The following FPGT variants were observed in gnomAD, a reference collection of about 807,000 sequenced individuals.
The protein encoded by FPGT is GDP-L-fucose diphosphorylase.
In FPGT, 41 loss-of-function variants were observed where a neutral mutation model predicts 45.8. The observed-to-expected ratio is 0.90, with a 90% confidence interval of 0.70 to 1.16. The LOEUF (loss-of-function observed/expected upper bound fraction) is 1.16. Ranked by LOEUF, FPGT falls within the 50% of genes most tolerant of loss-of-function variation. The pLI is 0.00. For synonymous variants in FPGT, 292 were observed against 247.2 expected (o/e 1.18, Z -1.70); for missense variants, 755 against 689.1 (o/e 1.10, Z -1.07).
rs1652468651 is a variant in FPGT, at chr1:74,208,593, TTCAACATTTGATAATAA to T, written c.*2764_*2780del. ...ACTATCAACAAGGGCATGGGAAAAA[TTCAACATTTGATAATAA>T]TCTTTTACCTTAGGCATTTATTCTC... On this transcript the variant is annotated 3_prime_UTR_variant, in exon 4 of 4. Coordinates refer to ENST00000370898, the MANE Select transcript of FPGT (RefSeq NM_003838.5). 6.6e-6 allele frequency among the ~76,000 whole-genome samples: 1 copy of T among 152,058 alleles called. No homozygotes were observed. The highest frequency in any genetic ancestry group is 6.6e-5 in the Admixed American group (1 of 15,234).
chr1:74,198,607 A>G (rs937874933), intron 1 of FPGT, among the ~76,000 whole-genome samples: 1 of 152,214 alleles, frequency 6.6e-6, no homozygotes, highest in African/African-American at 2.4e-5. Flanking sequence ...AGGAAGAAGA[A>G]GAAAATCTTA....
rs766713115 is a variant in FPGT, at chr1:74,205,133, C to T, written c.1086C>T (p.Thr362=). 8.7e-6 allele frequency: 14 copies of T among 1,613,098 alleles called. No homozygotes were observed. Among genetic ancestry groups the T allele is most frequent in the East Asian group, 4.5e-5 (2 of 44,886 alleles). The change falls in exon 4 of 4, where the codon ACC becomes ACT. Residue 362 remains threonine (T), a synonymous_variant. Transcript: ENST00000370898. ...CCAAATTTTATCACATTGGAACAACCGAAGAATATTTGTTTTACTTTACCT... is the reference window on the plus strand; with the variant it reads ...CCAAATTTTATCACATTGGAACAACTGAAGAATATTTGTTTTACTTTACCT... The part of the protein sequence containing the change: ...NNSKFYHIGT[T]EEYLFYFTSD...
Position 74,204,960 on chromosome 1 carries a change from C to G in FPGT, c.913C>G (p.Leu305Val), listed in dbSNP as rs1051530533. The G allele has an allele frequency of 1.2e-6, 2 of 1,613,932 alleles. No individual in the cohort carries two copies. Among genetic ancestry groups the G allele is most frequent in the Admixed American group, 1.7e-5 (1 of 59,992 alleles). Residue 305 changes from leucine (L) to valine (V), a missense_variant, in exon 4 of 4, where the codon CTG becomes GTG. Physicochemically the swap from Leu to Val is conservative, Grantham distance 32. Coordinates refer to ENST00000370898, the MANE Select transcript of FPGT (RefSeq NM_003838.5). ...TGAAATAGATGCCTATGGTGACTTTCTGCAGGCTTTGGGACCTGGAGCAAC... is the reference window on the plus strand; with the variant it reads ...TGAAATAGATGCCTATGGTGACTTTGTGCAGGCTTTGGGACCTGGAGCAAC... ...SCEIDAYGDF[L>V]QALGPGATVE... is the part of the protein sequence containing the mutation.
rs1403388328 is a variant in FPGT at position 74,207,747 on chromosome 1, G to GT, written c.*1921dup. ...CCTCAATTGTGGTATTTGTGTGTTTGTTTTTTCTTTTTCAAGATTCTTTTT... is the reference window on the plus strand; with the variant it reads ...CCTCAATTGTGGTATTTGTGTGTTTGTTTTTTTCTTTTTCAAGATTCTTTTT... On this transcript the variant is annotated 3_prime_UTR_variant, in exon 4 of 4. Transcript: ENST00000370898. 1.3e-5 allele frequency among the ~76,000 whole-genome samples: 2 copies of GT among 151,880 alleles called. No individual in the cohort carries two copies. Among genetic ancestry groups the GT allele is most frequent in the Non-Finnish European group, 2.9e-5 (2 of 67,886 alleles).
chr1:74,199,026 TTATC>T (rs1292402063), intron 1 of FPGT, among the ~76,000 whole-genome samples: 1 of 152,188 alleles, frequency 6.6e-6, no homozygotes, highest in Non-Finnish European at 1.5e-5. Context: ...ATCATTTTGT[TTATC>T]AATAAAGAGA....
rs1652107765 is a variant in FPGT at position 74,204,639 on chromosome 1, A to G, written c.592A>G (p.Thr198Ala). The G allele has an allele frequency of 6.2e-7, 1 of 1,613,708 alleles. No individual in the cohort carries two copies. The highest frequency in any genetic ancestry group is 8.5e-7 in the Non-Finnish European group (1 of 1,179,766). Residue 198 changes from threonine to alanine, a missense_variant, in exon 4 of 4, where the codon ACG (threonine) becomes GCG (alanine). Transcript: ENST00000370898. ...FTALAHPSSL[T>A]IGTTHGVFVL... is the part of the protein sequence containing the mutation. ...TGCTTTAGCTCATCCTTCTAGTTTG[A>G]CGATAGGTACCACACATGGAGTATT...
chr1:74,203,036 T>C (rs1651937458), intron 3 of FPGT, among the ~76,000 whole-genome samples: 1 of 152,226 alleles, frequency 6.6e-6, no homozygotes, highest in Non-Finnish European at 1.5e-5. Context: ...ATGTATCATA[T>C]GAATTTATTC....
At chr1:74,202,008 A>G (rs774292969) in intron 3 of FPGT, among the ~76,000 whole-genome samples, 3 of 152,248 alleles carry the variant, frequency 2.0e-5, no homozygotes, top group Non-Finnish European at 4.4e-5. Flanking sequence ...ATTGATAGCC[A>G]GAGGCCACAA....
chr1:74,201,487 T>G, intron 3 of FPGT, 77 bp downstream of exon 3: 2 of 851,672 alleles, frequency 2.3e-6, no homozygotes, highest in Non-Finnish European at 3.5e-6. Flanking sequence ...TTTTCTTTCT[T>G]GCAAACACTT....
At position 74,208,297 on chromosome 1, in the gene FPGT, G is replaced by A. The variant is rs943640759; in HGVS notation, c.*2465G>A. On this transcript the variant is annotated 3_prime_UTR_variant, in exon 4 of 4. Transcript: ENST00000370898. ...ATAATGCAGTGTACATGATGATAGAGGAGAAGTGTGTTTTTGATAAGAAGT... is the reference window on the plus strand; with the variant it reads ...ATAATGCAGTGTACATGATGATAGAAGAGAAGTGTGTTTTTGATAAGAAGT... 3.3e-5 allele frequency among the ~76,000 whole-genome samples: 5 copies of A among 151,576 alleles called. No individual in the cohort carries two copies. The highest frequency in any genetic ancestry group is 1.2e-4 in the African/African-American group (5 of 41,264).
intron 2 of FPGT, 47 bp from the exon 3 acceptor site, chr1:74,201,271 G>T (rs199656476): frequency 6.7e-7 from 1 of 1,498,982 alleles, no homozygotes; most frequent in South Asian, 1.2e-5. Context: ...CAAAGTTTTA[G>T]TAGGTTTCTA....
At chr1:74,204,231 A>G (rs1057115386) in intron 3 of FPGT, among the ~76,000 whole-genome samples, 160 bp from the exon 4 acceptor site, 1 of 152,090 alleles carries the variant, frequency 6.6e-6, no homozygotes, top group Admixed American at 6.5e-5. Context: ...TTTAATTTGG[A>G]TTTCATTATT....
chr1:74,205,318 T>G lies in FPGT; in HGVS notation c.1271T>G (p.Leu424Trp). 6.2e-7 allele frequency: 1 copy of G among 1,614,124 alleles called. No homozygotes were observed. The highest frequency in any genetic ancestry group is 1.7e-5 in the Admixed American group (1 of 60,010). ...GGCTCAGTTGTGGAGTATTCCAGAT[T>G]GGGGCCTGATGTTTCAGTTGGGGAA... ...APGSVVEYSRLGPDVSVGENC... is the reference protein window; with the variant it reads ...APGSVVEYSRWGPDVSVGENC... The change falls in exon 4 of 4, where the codon TTG (leucine) becomes TGG (tryptophan). Residue 424 changes from leucine (L) to tryptophan (W), a missense_variant. Transcript: ENST00000370898.
rs1300470464 is a variant in FPGT at position 74,204,644 on chromosome 1, A to G, written c.597A>G (p.Ile199Met). 31 of 1,613,684 alleles carry G rather than the reference A, an allele frequency of 1.9e-5. No individual in the cohort carries two copies. Among genetic ancestry groups the G allele is most frequent in the Non-Finnish European group, 2.5e-5 (30 of 1,179,574 alleles). Residue 199 changes from isoleucine to methionine, a missense_variant, in exon 4 of 4, where the codon ATA (isoleucine) becomes ATG (methionine). Transcript: ENST00000370898. ...TALAHPSSLTIGTTHGVFVLD... is the reference protein window; with the variant it reads ...TALAHPSSLTMGTTHGVFVLD... ...TAGCTCATCCTTCTAGTTTGACGAT[A>G]GGTACCACACATGGAGTATTTGTCT...
rs745470256 is a variant in FPGT at position 74,205,059 on chromosome 1, T to G, written c.1012T>G (p.Phe338Val). 175 of 1,613,446 alleles carry G rather than the reference T, an allele frequency of 1.1e-4. No homozygotes were observed. Among genetic ancestry groups the G allele is most frequent in the Admixed American group, 1.5e-4 (9 of 60,012 alleles). The change falls in exon 4 of 4, where the codon TTT (phenylalanine) becomes GTT (valine). Residue 338 changes from phenylalanine to valine, a missense_variant. Coordinates refer to ENST00000370898, the MANE Select transcript of FPGT (RefSeq NM_003838.5). ...GTTGGTAGAAATGAGGCAGAGAATA[T>G]TTCATCTTCTTAAAGGAACATCACT... is the stretch of plus-strand genomic sequence containing the variant. Reference protein sequence around the residue: ...SELVEMRQRIFHLLKGTSLNV... With the variant: ...SELVEMRQRIVHLLKGTSLNV...
chr1:74,202,164 G>A (rs1426605936), intron 3 of FPGT, among the ~76,000 whole-genome samples: 3 of 152,164 alleles, frequency 2.0e-5, no homozygotes, highest in Admixed American at 6.5e-5. Flanking sequence ...TTTTTAAATT[G>A]AATACATTTA....
In FPGT at chr1:74,199,435, G is replaced by A. The variant is rs551352656; in HGVS notation, c.83-229G>A. ...AATTGGATTGCAAACCATAAAAGGAGGGAGTGATCTAAAAGAAAAAAAAGG... is the reference window on the plus strand; with the variant it reads ...AATTGGATTGCAAACCATAAAAGGAAGGAGTGATCTAAAAGAAAAAAAAGG... On this transcript the variant is annotated intron_variant, in intron 1 of 3. Transcript: ENST00000370898. 2.2e-3 allele frequency among the ~76,000 whole-genome samples: 331 copies of A among 152,220 alleles called. 2 individuals are homozygous for A. The highest frequency in any genetic ancestry group is 7.6e-3 in the African/African-American group (316 of 41,530).
Position 74,207,388 on chromosome 1 carries a change from G to T in FPGT, c.*1556G>T, listed in dbSNP as rs547465640. ...TACAGCTTCACATTCAAACTCTTCAGCACTTTCAGAGCTATTGATATGCAT... is the reference window on the plus strand; with the variant it reads ...TACAGCTTCACATTCAAACTCTTCATCACTTTCAGAGCTATTGATATGCAT... On this transcript the variant is annotated 3_prime_UTR_variant, in exon 4 of 4. Coordinates refer to ENST00000370898, the MANE Select transcript of FPGT (RefSeq NM_003838.5). Among the ~76,000 whole-genome samples, 2 of 152,110 alleles carry T rather than the reference G, an allele frequency of 1.3e-5. No individual in the cohort carries two copies. The highest frequency in any genetic ancestry group is 4.8e-5 in the African/African-American group (2 of 41,526).
chr1:74,203,623 C>T (rs476350), intron 3 of FPGT, among the ~76,000 whole-genome samples: 62,640 of 151,730 alleles, frequency 0.41, 14,328 homozygotes, highest in East Asian at 0.73. Context: ...GATCTCCTGA[C>T]CTCGTGATCT....
Sources: allele counts gnomAD v4.1 joint callset (sites outside exome capture counted in the v4.1 genomes callset), GRCh38; gene constraint gnomAD v4.1.1; transcripts MANE v1.5; gene names NCBI Gene and HGNC (gene_info 2026-07-23, HGNC 2026-07-21).